Variants in DPEP1 observed in about 807,000 individuals in gnomAD.
The protein encoded by DPEP1 is dipeptidase 1.
DPEP1 carries 50 observed loss-of-function variants against 42.3 expected under a neutral mutation model. The ratio of observed to expected loss-of-function variants is 1.18; its 90% CI spans 0.94 to 1.50. The LOEUF (loss-of-function observed/expected upper bound fraction) is 1.50. DPEP1 is among the 40% of genes most tolerant of loss of function. The pLI is 0.00. For missense variants in DPEP1, 663 were observed against 553.0 expected (o/e 1.20, Z -1.99); for synonymous variants, 297 against 234.0 (o/e 1.27, Z -2.46).
At chr16:89,618,521 A>G (rs1330234356) in intron 1 of DPEP1, among the ~76,000 whole-genome samples, 3 of 152,110 alleles carry the variant, frequency 2.0e-5, no homozygotes, top group Admixed American at 1.3e-4. Context: ...TCTGGCCTAC[A>G]TTATTTATTT....
chr16:89,640,495 C>A, downstream of DPEP1: 1 of 911,052 alleles, frequency 1.1e-6, no homozygotes, highest in Non-Finnish European at 1.3e-6. Flanking sequence ...TTCCATGGAG[C>A]AGCAGCCCCT....
chr16:89,630,343 C>A lies in DPEP1; in HGVS notation c.-68C>A. The A allele has an allele frequency of 7.4e-7, 1 of 1,353,018 alleles. No individual in the cohort carries two copies. Among genetic ancestry groups the A allele is most frequent in the Non-Finnish European group, 1.0e-6 (1 of 960,588 alleles). The allele number at this position is 1,353,018 out of a possible 1,614,324, so 83.8% of individuals were successfully genotyped here. On this transcript the variant is annotated 5_prime_UTR_variant, in exon 2 of 11. Transcript: ENST00000690203. ...TCACAGCCTGAAGCTCATCCTTCTGCACGGGCCAGCCAGGCCAGCACAGAG... is the reference window on the plus strand; with the variant it reads ...TCACAGCCTGAAGCTCATCCTTCTGAACGGGCCAGCCAGGCCAGCACAGAG...
intron 1 of DPEP1, among the ~76,000 whole-genome samples, chr16:89,621,328 G>C (rs1425557632): frequency 1.3e-5 from 2 of 151,968 alleles, no homozygotes; most frequent in South Asian, 4.2e-4. Context: ...GAGGGATGTG[G>C]GGAAGCCACC....
intron 9 of DPEP1, 38 bp from the exon 10 acceptor site, chr16:89,637,798 C>G: frequency 6.2e-7 from 1 of 1,612,638 alleles, no homozygotes; most frequent in Non-Finnish European, 8.5e-7. Context: ...GACCTGTGTC[C>G]TAGTGTGGGG....
Position 89,636,304 on chromosome 16 carries a change from A to G in DPEP1, c.278A>G (p.Asp93Gly). ...ACGCCCTGCGACACCCAGAACAAAG[A>G]CGCCGTGCGGAGGACGCTGGAGCAG... ...VYTPCDTQNK[D>G]AVRRTLEQMD... is the part of the protein sequence containing the mutation. The change falls in exon 4 of 11, where the codon GAC becomes GGC. Residue 93 changes from aspartate (D) to glycine (G), a missense_variant. Physicochemically the swap from Asp to Gly is moderately conservative, Grantham distance 94. Coordinates refer to ENST00000690203, the MANE Select transcript of DPEP1 (RefSeq NM_001389466.1). 6.2e-7 allele frequency: 1 copy of G among 1,611,938 alleles called. No homozygotes were observed.
intron 1 of DPEP1, among the ~76,000 whole-genome samples, chr16:89,616,632 G>C (rs918569983): frequency 6.6e-6 from 1 of 152,204 alleles, no homozygotes; most frequent in Non-Finnish European, 1.5e-5. Context: ...GAGGTTCCTT[G>C]AAGTTTGTGA....
At chr16:89,625,135 C>T (rs375731150) in intron 1 of DPEP1, among the ~76,000 whole-genome samples, 11 of 152,144 alleles carry the variant, frequency 7.2e-5, no homozygotes, top group African/African-American at 2.7e-4. Context: ...CTGGATTCAG[C>T]GTGCTTTGGC....
chr16:89,636,955 C>A lies in DPEP1; in HGVS notation c.591+20C>A. On this transcript the variant is annotated intron_variant, in intron 6 of 10. Transcript: ENST00000690203. ...GGGCAGGTGAGTGGGGTGGGAGCGG[C>A]CAGTCACCCCCGAGGAGAAGGCAGA... 2 of 1,611,252 alleles carry A rather than the reference C, an allele frequency of 1.2e-6. No homozygotes were observed. The highest frequency in any genetic ancestry group is 1.1e-5 in the South Asian group (1 of 90,948).
intron 2 of DPEP1, among the ~76,000 whole-genome samples, chr16:89,634,091 CTTTTT>C (rs3039849): frequency 8.1e-6 from 1 of 123,688 alleles, no homozygotes; most frequent in African/African-American, 3.7e-5. Flanking sequence ...TTCTCTTCTT[CTTTTT>C]TTTTTTTTTT....
Position 89,630,343 on chromosome 16 carries a change from C to T in DPEP1, c.-68C>T, listed in dbSNP as rs1041861291. The T allele has an allele frequency of 1.5e-6, 2 of 1,353,022 alleles. No individual in the cohort carries two copies. The highest frequency in any genetic ancestry group is 1.5e-5 in the African/African-American group (1 of 68,382). The allele number at this position is 1,353,022 out of a possible 1,614,324, so 83.8% of individuals were successfully genotyped here. On this transcript the variant is annotated 5_prime_UTR_variant, in exon 2 of 11. Transcript: ENST00000690203. ...TCACAGCCTGAAGCTCATCCTTCTG[C>T]ACGGGCCAGCCAGGCCAGCACAGAG...
At chr16:89,629,806 G>A (rs1055009290) in intron 1 of DPEP1, among the ~76,000 whole-genome samples, 4 of 152,194 alleles carry the variant, frequency 2.6e-5, no homozygotes, top group South Asian at 2.1e-4. Flanking sequence ...CAGGCCGGGG[G>A]TGCGGACCCC....
At chr16:89,630,101 C>G (rs2059564709) in intron 1 of DPEP1, among the ~76,000 whole-genome samples, 1 of 152,198 alleles carries the variant, frequency 6.6e-6, no homozygotes, top group Non-Finnish European at 1.5e-5. Flanking sequence ...GGCTCTAGCT[C>G]CACCCCTGGG....
downstream of DPEP1, chr16:89,638,445 G>T (rs963037905): frequency 1.5e-6 from 2 of 1,322,554 alleles, no homozygotes; most frequent in African/African-American, 3.0e-5. Context: ...CCTGGGGTAC[G>T]TGTCATCGGC....
chr16:89,637,299 C>G lies in DPEP1; in HGVS notation c.687C>G (p.Ala229=). 5 of 1,612,700 alleles carry G rather than the reference C, an allele frequency of 3.1e-6. No individual in the cohort carries two copies. The highest frequency in any genetic ancestry group is 4.2e-6 in the Non-Finnish European group (5 of 1,179,970). ...TMKATLQLSR[A]PVIFSHSSAY... ...AGGCCACCCTGCAGCTGTCCAGAGC[C>G]CCGGTCATCTTCAGCCACTCCTCGG... Residue 229 remains alanine, a synonymous_variant, in exon 7 of 11, where the codon GCC becomes GCG. Coordinates refer to ENST00000690203, the MANE Select transcript of DPEP1 (RefSeq NM_001389466.1).
chr16:89,618,941 C>T (rs1164715779), intron 1 of DPEP1, among the ~76,000 whole-genome samples: 4 of 76,748 alleles, frequency 5.2e-5, no homozygotes, highest in Non-Finnish European at 1.0e-4. Context: ...CAGCTCCCTG[C>T]CCCCCTGCTC....
chr16:89,617,245 C>T (rs892399457), intron 1 of DPEP1, among the ~76,000 whole-genome samples: 1 of 152,004 alleles, frequency 6.6e-6, no homozygotes, highest in Non-Finnish European at 1.5e-5. Flanking sequence ...CATGTGATGC[C>T]CTGAGGACAC....
chr16:89,614,516 C>G (rs981270815), intron 1 of DPEP1, among the ~76,000 whole-genome samples: 7 of 152,216 alleles, frequency 4.6e-5, no homozygotes, highest in Non-Finnish European at 8.8e-5. Flanking sequence ...AAGCTGTGGC[C>G]GGGCGCGGTG....
chr16:89,623,812 AG>A (rs2059474241), intron 1 of DPEP1, among the ~76,000 whole-genome samples: 1 of 152,076 alleles, frequency 6.6e-6, no homozygotes, highest in South Asian at 2.1e-4. Context: ...CTCAGAAAGG[AG>A]GGGAAGAAGA....
At chr16:89,615,664 C>G (rs1048065258) in intron 1 of DPEP1, among the ~76,000 whole-genome samples, 1 of 152,198 alleles carries the variant, frequency 6.6e-6, no homozygotes, top group African/African-American at 2.4e-5. Flanking sequence ...AGTGAGCCCC[C>G]AGGACCCCGC....
Sources: allele counts gnomAD v4.1 joint callset (sites outside exome capture counted in the v4.1 genomes callset), GRCh38; gene constraint gnomAD v4.1.1; transcripts MANE v1.5; gene names NCBI Gene and HGNC (gene_info 2026-07-23, HGNC 2026-07-21).